Variants in ARHGAP19 observed in about 807,000 individuals in gnomAD.
The protein encoded by ARHGAP19 is Rho GTPase activating protein 19, also known as rho GTPase-activating protein 19.
A neutral mutation model predicts 60.9 loss-of-function variants in ARHGAP19; 48 were observed. The observed-to-expected ratio is 0.79, with a 90% CI of 0.62 to 1.00. The LOEUF (loss-of-function observed/expected upper bound fraction) is 1.00. ARHGAP19 is among the 50% of genes least tolerant of loss of function. ARHGAP19 has a pLI of 0.00. For synonymous variants in ARHGAP19, 209 were observed against 215.5 expected, an observed-to-expected ratio of 0.97 and a Z score of 0.27; for missense variants, 562 against 597.2, an observed-to-expected ratio of 0.94 and a Z score of 0.61.
At chr10:97,268,775 G>A (rs1232481201) in intron 1 of ARHGAP19, among the ~76,000 whole-genome samples, 1 of 152,114 alleles carries the variant, frequency 6.6e-6, no homozygotes, top group Non-Finnish European at 1.5e-5. Context: ...TGGGGATTAT[G>A]GGAGCTAGAA....
intron 7 of ARHGAP19, 35 bp downstream of exon 7, chr10:97,246,237 C>T: frequency 6.4e-7 from 1 of 1,557,648 alleles, no homozygotes; most frequent in African/African-American, 1.4e-5. Flanking sequence ...TTAATGCTCT[C>T]CTTGTTTGGG....
At chr10:97,273,484 C>CTTTTTTTTTT (rs11442502) in intron 1 of ARHGAP19, among the ~76,000 whole-genome samples, 1 of 92,498 alleles carries the variant, frequency 1.1e-5, no homozygotes, top group Non-Finnish European at 2.0e-5. Context: ...TTTCTGCTCT[C>CTTTTTTTTTT]TTTTTTTTTT....
chr10:97,289,094 G>C (rs1843195086), intron 1 of ARHGAP19, among the ~76,000 whole-genome samples: 1 of 149,128 alleles, frequency 6.7e-6, no homozygotes, highest in Admixed American at 6.7e-5. Context: ...TGGGATCACA[G>C]GCGTGAGCCA....
intron 1 of ARHGAP19, among the ~76,000 whole-genome samples, chr10:97,281,521 ATGG>A (rs1397544842): frequency 6.6e-6 from 1 of 152,222 alleles, no homozygotes; most frequent in East Asian, 1.9e-4. Flanking sequence ...TCTGAGACAT[ATGG>A]TACCCAAACA....
rs755369859 is a variant in ARHGAP19 at position 97,292,592 on chromosome 10, T to G, written c.36A>C (p.Pro12=). 3 of 1,614,106 alleles carry G rather than the reference T, an allele frequency of 1.9e-6. No individual in the cohort carries two copies. The highest frequency in any genetic ancestry group is 2.5e-6 in the Non-Finnish European group (3 of 1,180,036). Residue 12 remains proline (P), a synonymous_variant, in exon 1 of 12, where the codon CCA becomes CCC. Transcript: ENST00000358531. ...ATEAQSEGEV[P]ARESGRSDAI... The stretch of plus-strand genomic sequence containing the variant: ...CTCACCTCCGGCCGGATTCGCGGGC[T>G]GGCACCTCCCCTTCACTCTGTGCCT...
At position 97,278,652 on chromosome 10, in the gene ARHGAP19, ATTACCACTT is replaced by A. The variant is rs1239345854; in HGVS notation, c.57-12536_57-12528del. Among the ~76,000 whole-genome samples, 5 of 152,328 alleles carry A rather than the reference ATTACCACTT, an allele frequency of 3.3e-5. No individual in the cohort carries two copies. In the East Asian group the frequency reaches 9.6e-4, roughly 29 times the overall value. ...TTGTATAACCTACTCACAGTATACAATTACCACTTTTACCACTAGATGGAACCCTACATG... is the reference window on the plus strand; with the variant it reads ...TTGTATAACCTACTCACAGTATACAATTACCACTAGATGGAACCCTACATG... On this transcript the variant is annotated intron_variant, in intron 1 of 11. Transcript: ENST00000358531.
chr10:97,232,221 T>A (rs1851036966), intron 9 of ARHGAP19, among the ~76,000 whole-genome samples: 1 of 142,258 alleles, frequency 7.0e-6, no homozygotes, highest in Non-Finnish European at 1.5e-5. Context: ...TGGAGTACAG[T>A]GGCTCAATCT....
chr10:97,246,206 T>C, intron 7 of ARHGAP19, 66 bp downstream of exon 7: 2 of 1,302,838 alleles, frequency 1.5e-6, no homozygotes, highest in Non-Finnish European at 2.2e-6. Context: ...CTTCATACTT[T>C]GTTTTAAGAC....
chr10:97,272,129 G>GTTTT (rs1842965911), intron 1 of ARHGAP19, among the ~76,000 whole-genome samples: 2 of 69,162 alleles, frequency 2.9e-5, no homozygotes, highest in African/African-American at 5.3e-5. Context: ...TGGGAAATAT[G>GTTTT]TCTTTTTTTT....
intron 1 of ARHGAP19, among the ~76,000 whole-genome samples, chr10:97,272,097 G>A (rs1842965244): frequency 8.1e-6 from 1 of 123,476 alleles, no homozygotes. Context: ...TATCAAGGTT[G>A]TTCTAGCCTT....
chr10:97,234,079 C>T (rs1233443148), intron 9 of ARHGAP19, among the ~76,000 whole-genome samples: 4 of 150,604 alleles, frequency 2.7e-5, no homozygotes, highest in East Asian at 1.9e-4. Context: ...CCAGCCTGGC[C>T]GACATGGTGA....
chr10:97,281,563 A>T (rs1484971232), intron 1 of ARHGAP19, among the ~76,000 whole-genome samples: 1 of 152,228 alleles, frequency 6.6e-6, no homozygotes, highest in Non-Finnish European at 1.5e-5. Flanking sequence ...TGTCATTTAA[A>T]ATCAATCCAA....
chr10:97,246,865 C>T (rs1459073263), intron 6 of ARHGAP19, among the ~76,000 whole-genome samples: 2 of 151,932 alleles, frequency 1.3e-5, no homozygotes, highest in African/African-American at 2.4e-5. Context: ...ATGGCCAGCA[C>T]GGTGGCTCAT....
chr10:97,262,680 CAAAT>C (rs1337297840), intron 4 of ARHGAP19, among the ~76,000 whole-genome samples: 3 of 152,022 alleles, frequency 2.0e-5, no homozygotes, highest in Non-Finnish European at 4.4e-5. Context: ...AACAAACAAA[CAAAT>C]AAAATTTCCA....
chr10:97,249,397 T>C (rs1012875441), intron 6 of ARHGAP19, among the ~76,000 whole-genome samples: 3 of 152,220 alleles, frequency 2.0e-5, no homozygotes, highest in Non-Finnish European at 2.9e-5. Context: ...TGAGGCAATG[T>C]GACGCACACA....
intron 8 of ARHGAP19, among the ~76,000 whole-genome samples, chr10:97,239,546 GAGAGGGTGTGTGT>G (rs1277026873): frequency 1.9e-5 from 2 of 105,972 alleles, no homozygotes; most frequent in Non-Finnish European, 3.8e-5. Context: ...GAGAGAGAGA[GAGAGGGTGTGTGT>G]GTGTGTGTGT....
chr10:97,245,964 G>A (rs980745812), intron 7 of ARHGAP19, among the ~76,000 whole-genome samples: 3 of 151,854 alleles, frequency 2.0e-5, no homozygotes, highest in Admixed American at 2.0e-4. Context: ...GGGTCTCGCT[G>A]TGTTACCCAG....
chr10:97,285,751 C>T (rs1232623927), intron 1 of ARHGAP19, among the ~76,000 whole-genome samples: 1 of 152,162 alleles, frequency 6.6e-6, no homozygotes, highest in Non-Finnish European at 1.5e-5. Flanking sequence ...AACTCCTGAC[C>T]TCAAGTGATC....
chr10:97,289,517 T>A (rs941050931), intron 1 of ARHGAP19, among the ~76,000 whole-genome samples: 1 of 151,934 alleles, frequency 6.6e-6, no homozygotes, highest in African/African-American at 2.4e-5. Context: ...TCACTGAAAA[T>A]TTAAATTCAA....
Sources: gnomAD v4.1 joint callset for allele counts (sites outside exome capture counted in the v4.1 genomes callset) on GRCh38, gnomAD v4.1.1 for gene constraint, MANE v1.5 for transcripts, NCBI Gene and HGNC (gene_info 2026-07-23, HGNC 2026-07-21) for gene names.